Variants in PCCA observed in about 807,000 individuals in gnomAD.
The protein encoded by PCCA is propionyl-CoA carboxylase subunit alpha.
A neutral mutation model predicts 101.3 loss-of-function variants in PCCA; 74 were observed. The ratio of observed to expected loss-of-function variants is 0.73; its 90% confidence interval spans 0.61 to 0.89. PCCA has a LOEUF of 0.89. PCCA is among the 40% of genes least tolerant of loss of function. The pLI, the probability that PCCA is intolerant of heterozygous loss-of-function variation, is 0.00. For synonymous variants in PCCA, 294 were observed against 313.6 expected, an observed-to-expected ratio of 0.94 and a Z score of 0.66; for missense variants, 891 against 907.0, an observed-to-expected ratio of 0.98 and a Z score of 0.23.
Position 100,530,152 on chromosome 13 carries a change from G to T in PCCA, c.2173G>T (p.Val725Leu). 2 of 1,613,690 alleles carry T rather than the reference G, an allele frequency of 1.2e-6. No homozygotes were observed. The highest frequency in any genetic ancestry group is 1.7e-4 in the Middle Eastern group (1 of 6,060). Residue 725 changes from valine (V) to leucine (L), a missense_variant, in exon 24 of 24, where the codon GTG (valine) becomes TTG (leucine). Physicochemically the swap from Val to Leu is conservative, Grantham distance 32. Transcript: ENST00000376285. ...GDTVGEGDLLVELE is the reference protein window; with the variant it reads ...GDTVGEGDLLLELE ...CACAGTTGGAGAAGGGGATCTGCTC[G>T]TGGAGCTGGAATGAAGGATTTATAA...
At chr13:100,160,458 A>G (rs1215642543) in intron 6 of PCCA, among the ~76,000 whole-genome samples, 1 of 151,688 alleles carries the variant, frequency 6.6e-6, no homozygotes, top group African/African-American at 2.4e-5. Context: ...AGCTGAGATC[A>G]CGCTACTGCA....
chr13:100,448,349 C>T (rs920920077), intron 20 of PCCA, among the ~76,000 whole-genome samples: 3 of 152,118 alleles, frequency 2.0e-5, no homozygotes, highest in African/African-American at 7.2e-5. Flanking sequence ...TGCACCACCA[C>T]GCCTGGCTAA....
intron 4 of PCCA, among the ~76,000 whole-genome samples, chr13:100,133,378 C>G (rs1419577527): frequency 6.6e-6 from 1 of 152,176 alleles, no homozygotes; most frequent in Non-Finnish European, 1.5e-5. Context: ...GTGTCTACTG[C>G]AGATCACTTG....
intron 19 of PCCA, among the ~76,000 whole-genome samples, chr13:100,397,757 C>T (rs770216972): frequency 2.6e-5 from 4 of 151,954 alleles, no homozygotes; most frequent in Non-Finnish European, 5.9e-5. Flanking sequence ...CTTGTTTTAT[C>T]GCTTGTGGTT....
chr13:100,122,699 T>C lies in PCCA; in HGVS notation c.300+10638T>C, dbSNP rs191261824. 8.3e-4 allele frequency among the ~76,000 whole-genome samples: 126 copies of C among 152,316 alleles called. 1 individual carries two copies. The highest frequency in any genetic ancestry group is 2.9e-3 in the African/African-American group (119 of 41,576). On this transcript the variant is annotated intron_variant, in intron 4 of 23. Coordinates refer to ENST00000376285, the MANE Select transcript of PCCA (RefSeq NM_000282.4). ...GACATTTGAGCCTTCCCTTTTTTCT[T>C]GGTCACTGGCCTAGTCTGTTCAGGC... is the stretch of plus-strand genomic sequence containing the variant.
At chr13:100,458,333 A>G (rs1287037606) in intron 21 of PCCA, among the ~76,000 whole-genome samples, 1 of 109,886 alleles carries the variant, frequency 9.1e-6, no homozygotes, top group Non-Finnish European at 2.0e-5. Flanking sequence ...ACACACACAC[A>G]CACACACACA....
chr13:100,422,135 C>CTTTTTTTTTTTTTT (rs1232975466), intron 19 of PCCA, among the ~76,000 whole-genome samples: 1 of 68,782 alleles, frequency 1.5e-5, no homozygotes, highest in Non-Finnish European at 3.0e-5. Context: ...TTCTTTCTTT[C>CTTTTTTTTTTTTTT]TTTTTTTTTT....
At position 100,171,383 on chromosome 13, in the gene PCCA, T is replaced by C. The variant is rs575763570; in HGVS notation, c.468+14043T>C. Among the ~76,000 whole-genome samples, 9 of 152,272 alleles carry C rather than the reference T, an allele frequency of 5.9e-5. No homozygotes were observed. The East Asian group carries it at 1.7e-3, about 29-fold the overall frequency. The stretch of plus-strand genomic sequence containing the variant: ...TGTCCTGAAAGGTGACTGGGTAGCC[T>C]CTTGAGATAGGGTGATGACAGTCTT... On this transcript the variant is annotated intron_variant, in intron 6 of 23. Coordinates refer to ENST00000376285, the MANE Select transcript of PCCA (RefSeq NM_000282.4).
chr13:100,391,636 A>C (rs1185843745), intron 19 of PCCA, among the ~76,000 whole-genome samples: 1 of 152,092 alleles, frequency 6.6e-6, no homozygotes, highest in Admixed American at 6.6e-5. Context: ...CAGATCCTGA[A>C]GGGCCTTTAA....
intron 19 of PCCA, among the ~76,000 whole-genome samples, chr13:100,386,037 G>T (rs1360856492): frequency 6.6e-6 from 1 of 152,218 alleles, no homozygotes; most frequent in African/African-American, 2.4e-5. Flanking sequence ...ACCTGTAGGA[G>T]ATGTGCAAGA....
intron 4 of PCCA, among the ~76,000 whole-genome samples, chr13:100,137,733 T>C (rs2051350945): frequency 6.6e-6 from 1 of 152,222 alleles, no homozygotes; most frequent in Admixed American, 6.5e-5. Flanking sequence ...TTATATTTGA[T>C]GTGACTCTCT....
Position 100,262,746 on chromosome 13 carries a change from C to A in PCCA, c.734C>A (p.Ser245Ter). The A allele has an allele frequency of 7.0e-7, 1 of 1,433,942 alleles. No individual in the cohort carries two copies. The highest frequency in any genetic ancestry group is 9.4e-7 in the Non-Finnish European group (1 of 1,058,838). 88.8% of individuals were successfully genotyped at this position (1,433,942 alleles called of 1,614,324 possible). A position where few individuals can be genotyped will look rare whatever the true frequency, so the allele number is the denominator to read the frequency against. Residue 245 changes from serine (S) to a stop codon, truncating the protein, a stop_gained, in exon 10 of 24, where the codon TCA becomes TAA. Transcript: ENST00000376285. LOFTEE classifies it high-confidence loss of function. ...DEETRDGFRL[S>*]SQEAASSFGD... ...TTTCACAGGGATGGTTTTAGATTGT[C>A]ATCTCAAGAAGCTGCTTCTAGTTTT...
At chr13:100,308,123 G>A (rs2066611576) in intron 15 of PCCA, among the ~76,000 whole-genome samples, 1 of 152,154 alleles carries the variant, frequency 6.6e-6, no homozygotes, top group Non-Finnish European at 1.5e-5. Flanking sequence ...AAAGTTCTGG[G>A]ATTACAGGCG....
intron 6 of PCCA, among the ~76,000 whole-genome samples, chr13:100,200,733 A>G (rs2058429459): frequency 6.6e-6 from 1 of 151,266 alleles, no homozygotes; most frequent in Admixed American, 6.6e-5. Flanking sequence ...GTATGTATAT[A>G]AAACAAATTT....
chr13:100,134,697 CT>C (rs1201939056), intron 4 of PCCA, among the ~76,000 whole-genome samples: 1 of 152,066 alleles, frequency 6.6e-6, no homozygotes. Context: ...GGATTACAGG[CT>C]TGTGCCACCA....
chr13:100,141,561 C>T (rs183434196), intron 4 of PCCA, among the ~76,000 whole-genome samples: 61 of 152,230 alleles, frequency 4.0e-4, no homozygotes, highest in African/African-American at 1.4e-3. Flanking sequence ...CAGGCATGCA[C>T]CACCATGTCC....
At chr13:100,349,659 A>G (rs555994170) in intron 18 of PCCA, among the ~76,000 whole-genome samples, 1 of 152,340 alleles carries the variant, frequency 6.6e-6, no homozygotes, top group East Asian at 1.9e-4. Flanking sequence ...ATGGCCTATA[A>G]TATTAATGGA....
chr13:100,118,131 A>G (rs1220166554), intron 4 of PCCA, among the ~76,000 whole-genome samples: 1 of 151,668 alleles, frequency 6.6e-6, no homozygotes, highest in Admixed American at 6.6e-5. Context: ...AAAAGAAAAA[A>G]AAAAAAAAAG....
intron 4 of PCCA, among the ~76,000 whole-genome samples, chr13:100,133,362 T>A (rs187400608): frequency 6.6e-6 from 1 of 152,348 alleles, no homozygotes; most frequent in East Asian, 1.9e-4. Flanking sequence ...TTTTGTCCTC[T>A]TGACAGTGTC....
Sources: allele counts gnomAD v4.1 joint callset (sites outside exome capture counted in the v4.1 genomes callset), GRCh38; gene constraint gnomAD v4.1.1; transcripts MANE v1.5; gene names NCBI Gene and HGNC (gene_info 2026-07-23, HGNC 2026-07-21).